Variants in BRINP3 observed in about 807,000 individuals in gnomAD.
The protein encoded by BRINP3 is BMP/retinoic acid inducible neural specific 3.
Under a neutral mutation model 71.0 loss-of-function variants are expected in BRINP3, and 19 were observed. That is an observed-to-expected ratio of 0.27 (90% CI 0.19 to 0.39). The LOEUF is 0.39. Among genes scored for constraint, BRINP3 ranks in the 10% least tolerant of loss-of-function variants. The pLI is 1.00. For synonymous variants in BRINP3, 380 were observed against 337.7 expected, an observed-to-expected ratio of 1.13 and a Z score of -1.37; for missense variants, 959 against 940.8, an observed-to-expected ratio of 1.02 and a Z score of -0.25.
chr1:190,354,638 T>A (rs1304550377), intron 2 of BRINP3, among the ~76,000 whole-genome samples: 1 of 151,974 alleles, frequency 6.6e-6, no homozygotes, highest in African/African-American at 2.4e-5. Flanking sequence ...TTTTCTTTGC[T>A]GAGATTAATT....
At chr1:190,186,034 T>C (rs1653486537) in intron 6 of BRINP3, among the ~76,000 whole-genome samples, 1 of 152,272 alleles carries the variant, frequency 6.6e-6, no homozygotes, top group African/African-American at 2.4e-5. Flanking sequence ...CCCATAAATA[T>C]ATACAATTAT....
At chr1:190,399,678 T>C (rs1571952306) in intron 2 of BRINP3, among the ~76,000 whole-genome samples, 2 of 151,998 alleles carry the variant, frequency 1.3e-5, no homozygotes, top group South Asian at 4.1e-4. Flanking sequence ...CAGACTATCT[T>C]TTACCTAAAT....
chr1:190,117,196 G>A (rs537673737), intron 7 of BRINP3, among the ~76,000 whole-genome samples: 1 of 152,120 alleles, frequency 6.6e-6, no homozygotes, highest in African/African-American at 2.4e-5. Context: ...CTTTATGGTT[G>A]TAGTATCAAT....
At chr1:190,319,186 G>T (rs1230948635) in intron 2 of BRINP3, among the ~76,000 whole-genome samples, 1 of 151,996 alleles carries the variant, frequency 6.6e-6, no homozygotes, top group African/African-American at 2.4e-5. Flanking sequence ...CCATCCTTTA[G>T]GATCTAAACC....
chr1:190,099,985 C>T (rs1427891123), intron 7 of BRINP3, among the ~76,000 whole-genome samples: 1 of 152,048 alleles, frequency 6.6e-6, no homozygotes, highest in East Asian at 1.9e-4. Flanking sequence ...AGAGCAATGG[C>T]CTTGTAATAA....
chr1:190,439,419 A>T (rs1674672829), intron 2 of BRINP3, among the ~76,000 whole-genome samples: 1 of 151,914 alleles, frequency 6.6e-6, no homozygotes, highest in Non-Finnish European at 1.5e-5. Flanking sequence ...GCATAAGACT[A>T]TTTTATATTT....
At chr1:190,313,035 TACAAATTAC>T (rs1665640710) in intron 2 of BRINP3, among the ~76,000 whole-genome samples, 1 of 151,944 alleles carries the variant, frequency 6.6e-6, no homozygotes, top group African/African-American at 2.4e-5. Context: ...AGTTTTAATT[TACAAATTAC>T]TTTTAACCAA....
intron 2 of BRINP3, among the ~76,000 whole-genome samples, chr1:190,286,441 T>G (rs1279000306): frequency 6.6e-6 from 1 of 152,184 alleles, no homozygotes; most frequent in Non-Finnish European, 1.5e-5. Flanking sequence ...TCATGATTTC[T>G]TTAAAAGTAC....
rs570615976 is a variant in BRINP3 at position 190,191,197 on chromosome 1, A to G, written c.962-30307T>C. Among the ~76,000 whole-genome samples, 10 of 152,274 alleles carry G rather than the reference A, an allele frequency of 6.6e-5. No homozygotes were observed. In the East Asian group the frequency reaches 1.9e-3, roughly 29 times the overall value. On this transcript the variant is annotated intron_variant, in intron 6 of 7. Transcript: ENST00000367462. ...ATTCTCTTCTCAGACTTAGGTACAT[A>G]TTAACATTACCTGGAGACTTTAAAA...
intron 2 of BRINP3, among the ~76,000 whole-genome samples, chr1:190,394,265 C>A (rs1671434660): frequency 6.6e-6 from 1 of 151,424 alleles, no homozygotes. Flanking sequence ...TATTTAGTCT[C>A]CCTTACTATG....
At chr1:190,393,069 T>C (rs1438077679) in intron 2 of BRINP3, among the ~76,000 whole-genome samples, 2 of 151,608 alleles carry the variant, frequency 1.3e-5, no homozygotes, top group African/African-American at 4.8e-5. Flanking sequence ...TATTATAATA[T>C]TAAGGGCATG....
intron 2 of BRINP3, among the ~76,000 whole-genome samples, chr1:190,408,979 G>T (rs1305183409): frequency 6.6e-6 from 1 of 152,184 alleles, no homozygotes; most frequent in African/African-American, 2.4e-5. Flanking sequence ...ACCTGGAAGT[G>T]GGGGGAGTTG....
chr1:190,301,060 T>C (rs1050756757), intron 2 of BRINP3, among the ~76,000 whole-genome samples: 1 of 151,160 alleles, frequency 6.6e-6, no homozygotes, highest in African/African-American at 2.4e-5. Flanking sequence ...GAATAGTTTT[T>C]AAAATTCCAT....
intron 4 of BRINP3, among the ~76,000 whole-genome samples, chr1:190,246,361 T>C (rs979888949): frequency 9.9e-5 from 15 of 151,400 alleles, no homozygotes; most frequent in African/African-American, 2.7e-4. Flanking sequence ...AAGGGTTTCT[T>C]AGATTGCAGC....
intron 2 of BRINP3, among the ~76,000 whole-genome samples, chr1:190,298,237 T>C (rs1664403236): frequency 6.6e-6 from 1 of 152,164 alleles, no homozygotes; most frequent in Admixed American, 6.5e-5. Flanking sequence ...TCTTTTTTTC[T>C]TGCTAGAATA....
chr1:190,437,775 A>C (rs567474731), intron 2 of BRINP3, among the ~76,000 whole-genome samples: 15 of 151,968 alleles, frequency 9.9e-5, no homozygotes, highest in Admixed American at 9.8e-4. Flanking sequence ...TACTGTTAAA[A>C]AAACTGTTAA....
chr1:190,122,000 T>C (rs1232327568), intron 7 of BRINP3, among the ~76,000 whole-genome samples: 2 of 152,146 alleles, frequency 1.3e-5, no homozygotes, highest in African/African-American at 2.4e-5. Context: ...TAGAGCAATA[T>C]TACTGTGAAG....
intron 7 of BRINP3, among the ~76,000 whole-genome samples, chr1:190,151,800 A>G (rs914898776): frequency 2.6e-5 from 4 of 152,132 alleles, no homozygotes; most frequent in African/African-American, 9.7e-5. Flanking sequence ...TTCCAAAATA[A>G]TTTTCAGCAC....
intron 2 of BRINP3, among the ~76,000 whole-genome samples, chr1:190,376,890 G>A (rs1670219650): frequency 6.6e-6 from 1 of 151,864 alleles, no homozygotes; most frequent in Admixed American, 6.6e-5. Flanking sequence ...ATAAAGAAAG[G>A]CAGAGACAAA....
Sources: allele counts gnomAD v4.1 joint callset (sites outside exome capture counted in the v4.1 genomes callset), GRCh38; gene constraint gnomAD v4.1.1; transcripts MANE v1.5; gene names NCBI Gene and HGNC (gene_info 2026-07-23, HGNC 2026-07-21).